The following RNLS variants were observed in gnomAD, a reference collection of about 807,000 sequenced individuals.
The protein encoded by RNLS is renalase.
RNLS carries 39 observed loss-of-function variants against 39.8 expected under a neutral mutation model. The ratio of observed to expected loss-of-function variants is 0.98; its 90% CI spans 0.76 to 1.28. The LOEUF (loss-of-function observed/expected upper bound fraction) is 1.28, where lower values mean the gene tolerates loss of function less well. RNLS is among the 50% of genes most tolerant of loss of function. The pLI is 0.00. For synonymous variants in RNLS, 147 were observed against 150.7 expected, an observed-to-expected ratio of 0.98 and a Z score of 0.18; for missense variants, 410 against 413.3, an observed-to-expected ratio of 0.99 and a Z score of 0.07.
At position 88,476,655 on chromosome 10, in the gene RNLS, T is replaced by A. The variant is rs184782164; in HGVS notation, c.526+96248A>T. ...GCAGAAGTCAGGACAAAATATAAAC[T>A]ACCTCACTAAGTTGATGTTTTAAAA... On this transcript the variant is annotated intron_variant, in intron 4 of 6. Transcript: ENST00000331772. Among the ~76,000 whole-genome samples, 39 of 152,290 alleles carry A rather than the reference T, an allele frequency of 2.6e-4. No individual in the cohort carries two copies. In the East Asian group the frequency reaches 6.2e-3, roughly 24 times the overall value.
the RNLS span, among the ~76,000 whole-genome samples, chr10:88,251,101 G>T: frequency 6.6e-6 from 1 of 152,174 alleles, no homozygotes; most frequent in Non-Finnish European, 1.5e-5. Context: ...GGAATACAGA[G>T]ATAATGATGA....
At chr10:88,580,308 G>C (rs560429206) in intron 3 of RNLS, among the ~76,000 whole-genome samples, 8 of 152,118 alleles carry the variant, frequency 5.3e-5, no homozygotes, top group South Asian at 2.1e-4. Flanking sequence ...ACTGAATCTC[G>C]AATGGAGAAA....
chr10:88,242,522 TAATTCAAAAAAA>T, the RNLS span, among the ~76,000 whole-genome samples: 2 of 152,096 alleles, frequency 1.3e-5, no homozygotes, highest in African/African-American at 4.8e-5. Flanking sequence ...TCTAAGTAGG[TAATTCAAAAAAA>T]AATCTCTGTT....
the RNLS span, among the ~76,000 whole-genome samples, chr10:88,209,448 G>A: frequency 1.2e-3 from 179 of 152,258 alleles, 1 homozygote; most frequent in African/African-American, 3.9e-3. Context: ...ACAAGCCAGG[G>A]AATGTCAAGC....
chr10:88,248,016 G>T, the RNLS span, among the ~76,000 whole-genome samples: 1 of 152,244 alleles, frequency 6.6e-6, no homozygotes, highest in African/African-American at 2.4e-5. Context: ...GCTCAGAGAT[G>T]TTGTGGATTT....
At chr10:88,354,510 A>G (rs531759914) in intron 5 of RNLS, among the ~76,000 whole-genome samples, 1 of 152,318 alleles carries the variant, frequency 6.6e-6, no homozygotes, top group Non-Finnish European at 1.5e-5. Flanking sequence ...TTCTGGGTTG[A>G]AAATTCTTTC....
the RNLS span, among the ~76,000 whole-genome samples, chr10:88,251,164 C>T: frequency 6.6e-6 from 1 of 152,174 alleles, no homozygotes; most frequent in Non-Finnish European, 1.5e-5. Context: ...AGATGACGGG[C>T]AGAATGATGC....
intron 4 of RNLS, among the ~76,000 whole-genome samples, chr10:88,498,516 A>T (rs767789651): frequency 2.7e-5 from 4 of 148,804 alleles, no homozygotes; most frequent in Non-Finnish European, 5.9e-5. Flanking sequence ...CATTACTGAG[A>T]CAACTGGTGA....
At position 88,285,292 on chromosome 10, in the gene RNLS, CAAT is replaced by C. The variant is rs201859794; in HGVS notation, c.*59_*61del. The stretch of plus-strand genomic sequence containing the variant: ...TTAGCAAAATAGAAAACAAAATAAT[CAAT>C]AACAGAAAATTGTGAAAATAAAAAC... On this transcript the variant is annotated 3_prime_UTR_variant, in exon 7 of 7. Coordinates refer to ENST00000331772, the MANE Select transcript of RNLS (RefSeq NM_001031709.3). 1,628 of 1,434,794 alleles carry C rather than the reference CAAT, an allele frequency of 1.1e-3. 41 individuals carry two copies. In the East Asian group the frequency reaches 0.029, roughly 26 times the overall value. The allele number at this position is 1,434,794 out of a possible 1,614,324, so 88.9% of individuals were successfully genotyped here.
chr10:88,354,726 G>A (rs1849014512), intron 5 of RNLS, among the ~76,000 whole-genome samples: 1 of 152,086 alleles, frequency 6.6e-6, no homozygotes. Flanking sequence ...TATCTTTGTG[G>A]CGTTCTCTCT....
intron 5 of RNLS, among the ~76,000 whole-genome samples, chr10:88,361,024 T>C (rs975567284): frequency 6.6e-6 from 1 of 152,198 alleles, no homozygotes; most frequent in Non-Finnish European, 1.5e-5. Context: ...GGCTGAGAAG[T>C]CCAAGATCAA....
intron 4 of RNLS, among the ~76,000 whole-genome samples, chr10:88,455,642 G>A (rs1255213965): frequency 2.0e-5 from 3 of 152,024 alleles, no homozygotes; most frequent in African/African-American, 2.4e-5. Flanking sequence ...TCTTGATCTC[G>A]TGATCCGCCT....
chr10:88,249,086 G>T, the RNLS span, among the ~76,000 whole-genome samples: 9 of 152,154 alleles, frequency 5.9e-5, no homozygotes, highest in South Asian at 2.1e-4. Context: ...GCTGTGTTTT[G>T]TAGGCTTCTG....
intron 6 of RNLS, among the ~76,000 whole-genome samples, chr10:88,309,646 G>A (rs914105529): frequency 6.6e-5 from 10 of 152,224 alleles, no homozygotes; most frequent in African/African-American, 2.4e-4. Context: ...TGTTTAAGAG[G>A]TGGGAGGGGA....
At chr10:88,206,410 TTG>T in the RNLS span, among the ~76,000 whole-genome samples, 1 of 152,160 alleles carries the variant, frequency 6.6e-6, no homozygotes, top group Non-Finnish European at 1.5e-5. Context: ...GGCCAGAATT[TTG>T]TCTCTTTCAG....
the RNLS span, among the ~76,000 whole-genome samples, chr10:88,239,839 GAA>G: frequency 2.6e-5 from 4 of 152,368 alleles, no homozygotes; most frequent in East Asian, 5.8e-4. Context: ...GCAAACTGGA[GAA>G]AGTTTTCCCT....
At chr10:88,547,652 A>G (rs996368745) in intron 4 of RNLS, among the ~76,000 whole-genome samples, 2 of 152,208 alleles carry the variant, frequency 1.3e-5, no homozygotes, top group Admixed American at 6.5e-5. Context: ...ATGAGTCCCT[A>G]AACATTTCCA....
At chr10:88,322,152 A>G (rs1043457271) in intron 5 of RNLS, among the ~76,000 whole-genome samples, 1 of 152,160 alleles carries the variant, frequency 6.6e-6, no homozygotes, top group Non-Finnish European at 1.5e-5. Flanking sequence ...GCATACACAA[A>G]TCAAGGTGAT....
chr10:88,223,556 G>A, the RNLS span, among the ~76,000 whole-genome samples: 1 of 152,186 alleles, frequency 6.6e-6, no homozygotes, highest in Non-Finnish European at 1.5e-5. Flanking sequence ...AACCACTGTT[G>A]GATGTGTTTC....
Sources: allele counts gnomAD v4.1 joint callset (sites outside exome capture counted in the v4.1 genomes callset), GRCh38; gene constraint gnomAD v4.1.1; transcripts MANE v1.5; gene names NCBI Gene and HGNC (gene_info 2026-07-23, HGNC 2026-07-21).